ANKRD36C: variants seen among roughly 807,000 people sequenced by gnomAD.
ANKRD36C encodes the protein ankyrin repeat domain-containing protein 36C.
A neutral mutation model predicts 276.4 loss-of-function variants in ANKRD36C; 61 were observed. The observed-to-expected ratio is 0.22, with a 90% CI of 0.18 to 0.27. The LOEUF (loss-of-function observed/expected upper bound fraction) is 0.27, where lower values mean the gene tolerates loss of function less well. Ranked by LOEUF, ANKRD36C falls within the 10% of genes least tolerant of loss-of-function variation. The pLI, the probability that ANKRD36C is intolerant of heterozygous loss-of-function variation, is 1.00. For missense variants in ANKRD36C, 1,447 were observed against 2,032.3 expected, an observed-to-expected ratio of 0.71 and a Z score of 5.54; for synonymous variants, 483 against 680.1, an observed-to-expected ratio of 0.71 and a Z score of 4.51.
intron 22 of ANKRD36C, among the ~76,000 whole-genome samples, chr2:95,936,460 C>A (rs1677719466): frequency 6.6e-6 from 1 of 152,266 alleles, no homozygotes; most frequent in Admixed American, 6.5e-5. Flanking sequence ...ACATGAAGCA[C>A]CTGTCCTATT....
chr2:95,902,958 C>A, intron 42 of ANKRD36C: 1 of 1,588,934 alleles, frequency 6.3e-7, no homozygotes, highest in Non-Finnish European at 8.6e-7. Context: ...TCTCTTGTAG[C>A]CTGAATGGAA....
At chr2:95,864,538 T>C (rs1304140150) in intron 60 of ANKRD36C, among the ~76,000 whole-genome samples, 1 of 151,990 alleles carries the variant, frequency 6.6e-6, no homozygotes, top group Non-Finnish European at 1.5e-5. Flanking sequence ...TGTAGCATTG[T>C]TCTGAAGATT....
intron 42 of ANKRD36C, among the ~76,000 whole-genome samples, chr2:95,907,934 G>T (rs1228546611): frequency 8.0e-5 from 12 of 149,262 alleles, no homozygotes; most frequent in African/African-American, 2.9e-4. Context: ...TCAAATATTT[G>T]TTATGAAAAT....
rs769983477 is a variant in ANKRD36C, at chr2:95,912,393, G to A, written c.2580+14C>T. On this transcript the variant is annotated intron_variant, in intron 41 of 66. Transcript: ENST00000456556. ...ACGTTTACTAGCTCACAATATGAAT[G>A]AGAGTTTCATTACCTTCAAGGCTGG... 1 of 1,603,948 alleles carries A rather than the reference G, an allele frequency of 6.2e-7. No homozygotes were observed. Among genetic ancestry groups the A allele is most frequent in the East Asian group, 2.2e-5 (1 of 44,550 alleles).
intron 63 of ANKRD36C, among the ~76,000 whole-genome samples, chr2:95,855,013 A>G (rs1377287890): frequency 1.3e-5 from 2 of 152,226 alleles, no homozygotes; most frequent in African/African-American, 4.8e-5. Context: ...ATAAGACTAC[A>G]TTATTAATGT....
At position 95,882,444 on chromosome 2, in the gene ANKRD36C, A is replaced by C. The variant is rs1252708427; in HGVS notation, c.3294+25T>G. 5 of 1,548,402 alleles carry C rather than the reference A, an allele frequency of 3.2e-6. No homozygotes were observed. In the South Asian group the frequency reaches 6.0e-5, roughly 19 times the overall value. ...TCATAGGCTATGCAATAAATAATTCAAAATATAAATGAAAGAGTAACTACC... is the reference window on the plus strand; with the variant it reads ...TCATAGGCTATGCAATAAATAATTCCAAATATAAATGAAAGAGTAACTACC... On this transcript the variant is annotated intron_variant, in intron 55 of 66. Transcript: ENST00000456556.
chr2:95,869,582 G>A (rs997274584), intron 59 of ANKRD36C, among the ~76,000 whole-genome samples: 11 of 152,228 alleles, frequency 7.2e-5, no homozygotes, highest in African/African-American at 2.2e-4. Context: ...CAGCGTGAGC[G>A]ACGCAGAAGA....
Position 95,958,244 on chromosome 2 carries a change from C to T in ANKRD36C, c.1105+347G>A, listed in dbSNP as rs1399376104. On this transcript the variant is annotated intron_variant, in intron 12 of 66. Transcript: ENST00000456556. ...CCGGTTTTAGCAATGTGATCAGGCG[C>T]CTACAATTTCTAGTACTTCATCTTG... Among the ~76,000 whole-genome samples, 10 of 151,948 alleles carry T rather than the reference C, an allele frequency of 6.6e-5. 1 individual carries two copies. Among genetic ancestry groups the T allele is most frequent in the Admixed American group, 3.9e-4 (6 of 15,224 alleles).
chr2:95,937,135 C>T (rs1451178757), intron 22 of ANKRD36C, among the ~76,000 whole-genome samples: 1 of 152,278 alleles, frequency 6.6e-6, no homozygotes, highest in African/African-American at 2.4e-5. Flanking sequence ...TTTTGTGAAG[C>T]TAATTTATGG....
chr2:95,902,360 G>A (rs1369094688), intron 42 of ANKRD36C, among the ~76,000 whole-genome samples: 1 of 149,500 alleles, frequency 6.7e-6, no homozygotes, highest in Non-Finnish European at 1.5e-5. Flanking sequence ...AGTTCACTCA[G>A]GTTTTCTCAG....
At chr2:95,891,496 T>C (rs1182027521) in intron 46 of ANKRD36C, among the ~76,000 whole-genome samples, 169 bp downstream of exon 66, 2 of 151,022 alleles carry the variant, frequency 1.3e-5, no homozygotes, top group Non-Finnish European at 3.0e-5. Flanking sequence ...AAGATCATGT[T>C]CCAGAGCAGC....
intron 42 of ANKRD36C, among the ~76,000 whole-genome samples, 160 bp from the exon 45 acceptor site, chr2:95,910,728 A>G (rs1265797891): frequency 6.6e-6 from 1 of 151,480 alleles, no homozygotes; most frequent in African/African-American, 2.4e-5. Context: ...TGACAGAAGT[A>G]CACTGAGAAA....
intron 42 of ANKRD36C, 137 bp downstream of exon 44, chr2:95,912,107 G>T: frequency 1.6e-6 from 2 of 1,280,158 alleles, no homozygotes; most frequent in Non-Finnish European, 2.2e-6. Context: ...CATAACCCAA[G>T]AACTTATTAG....
chr2:95,866,498 G>T (rs1675685551), intron 60 of ANKRD36C, among the ~76,000 whole-genome samples: 1 of 152,032 alleles, frequency 6.6e-6, no homozygotes, highest in African/African-American at 2.4e-5. Context: ...CAACAAAGAA[G>T]ATGTACAGAT....
chr2:95,860,209 G>A (rs1406244022), intron 60 of ANKRD36C, 135 bp from the exon 81 acceptor site: 8 of 692,294 alleles, frequency 1.2e-5, no homozygotes, highest in Middle Eastern at 4.1e-4. Context: ...CAAAGTGGAA[G>A]ATATTATAGT....
intron 52 of ANKRD36C, among the ~76,000 whole-genome samples, chr2:95,884,992 G>C (rs983472744): frequency 6.6e-6 from 1 of 151,918 alleles, no homozygotes; most frequent in Non-Finnish European, 1.5e-5. Context: ...GTATCCACTC[G>C]TTTAGCTTTC....
At chr2:95,969,611 G>T (rs2579537) in intron 6 of ANKRD36C, among the ~76,000 whole-genome samples, 1 of 147,858 alleles carries the variant, frequency 6.8e-6, no homozygotes, top group African/African-American at 2.5e-5. Context: ...CAACAATATC[G>T]TCATGGTTCA....
chr2:95,867,713 A>G, intron 59 of ANKRD36C, 132 bp from the exon 80 acceptor site: 2 of 1,360,404 alleles, frequency 1.5e-6, no homozygotes, highest in Middle Eastern at 2.7e-4. Flanking sequence ...CTTTTTTTTT[A>G]AGCAATTTCC....
exon 52 of ANKRD36C, chr2:95,886,114 T>G (rs769525405): frequency 2.5e-6 from 4 of 1,609,698 alleles, no homozygotes; most frequent in Non-Finnish European, 3.4e-6. Flanking sequence ...TTCTTGACAC[T>G]TGTAGCCTGA....
Sources: gnomAD v4.1 joint callset for allele counts (sites outside exome capture counted in the v4.1 genomes callset) on GRCh38, gnomAD v4.1.1 for gene constraint, MANE v1.5 for transcripts, NCBI Gene and HGNC (gene_info 2026-07-23, HGNC 2026-07-21) for gene names.